CHRNA5: variants seen among roughly 807,000 people sequenced by gnomAD.
CHRNA5 encodes the protein cholinergic receptor nicotinic alpha 5 subunit.
Under a neutral mutation model 41.2 loss-of-function variants are expected in CHRNA5, and 28 were observed. The ratio of observed to expected loss-of-function variants is 0.68; its 90% CI spans 0.50 to 0.93. The LOEUF is 0.93. Among genes scored for constraint, CHRNA5 ranks in the 40% least tolerant of loss-of-function variants. The probability of loss-of-function intolerance (pLI) is 0.00; values close to 1 mark genes in which losing one functional copy is unlikely to be tolerated. For missense variants in CHRNA5, 481 were observed against 581.9 expected (o/e 0.83, Z 1.78); for synonymous variants, 188 against 205.8 (o/e 0.91, Z 0.74).
intron 1 of CHRNA5, among the ~76,000 whole-genome samples, chr15:78,571,449 A>G (rs904644497): frequency 6.6e-6 from 1 of 152,204 alleles, no homozygotes; most frequent in Non-Finnish European, 1.5e-5. Flanking sequence ...CTCATGCACC[A>G]TTAGGTGTTT....
At chr15:78,566,256 C>T (rs2052746251) in intron 1 of CHRNA5, among the ~76,000 whole-genome samples, 1 of 152,146 alleles carries the variant, frequency 6.6e-6, no homozygotes, top group Non-Finnish European at 1.5e-5. Flanking sequence ...CCGCCTCTTC[C>T]TCCATCCCTG....
rs781129738 is a variant in CHRNA5, at chr15:78,590,218, C to G, written c.827C>G (p.Ser276Ter). The G allele has an allele frequency of 4.6e-5, 75 of 1,613,926 alleles. No homozygotes were observed. Among genetic ancestry groups the G allele is most frequent in the Non-Finnish European group, 6.0e-5 (71 of 1,180,036 alleles). ...ACTGTACTTGTCTTCTATCTTCCTTCAAATGAAGGTGAAAAGATTTGTCTC... is the reference window on the plus strand; with the variant it reads ...ACTGTACTTGTCTTCTATCTTCCTTGAAATGAAGGTGAAAAGATTTGTCTC... The change falls in exon 5 of 6, where the codon TCA (serine) becomes TGA (stop). Residue 276 changes from serine (S) to a stop codon, truncating the protein, a stop_gained. Transcript: ENST00000299565. LOFTEE classifies it high-confidence loss of function.
intron 3 of CHRNA5, among the ~76,000 whole-genome samples, chr15:78,587,333 C>A (rs901577885): frequency 5.3e-5 from 8 of 151,808 alleles, no homozygotes; most frequent in Non-Finnish European, 1.0e-4. Flanking sequence ...CGGGGGTGTA[C>A]TTATAAAAAT....
intron 1 of CHRNA5, among the ~76,000 whole-genome samples, chr15:78,579,474 G>A (rs1285190533): frequency 2.6e-5 from 4 of 152,092 alleles, no homozygotes; most frequent in Admixed American, 6.5e-5. Flanking sequence ...GGTTCGTCTC[G>A]AACTCCTTAC....
At chr15:78,568,560 CA>C (rs1431324729) in intron 1 of CHRNA5, among the ~76,000 whole-genome samples, 1 of 151,956 alleles carries the variant, frequency 6.6e-6, no homozygotes, top group African/African-American at 2.4e-5. Context: ...TGGTTTGCTA[CA>C]CCTATCAACC....
chr15:78,567,425 A>G (rs906982205), intron 1 of CHRNA5, among the ~76,000 whole-genome samples: 1 of 152,206 alleles, frequency 6.6e-6, no homozygotes, highest in Non-Finnish European at 1.5e-5. Flanking sequence ...AATCTGTTTC[A>G]TGTCTTTTAA....
chr15:78,581,498 A>G (rs922755641), intron 2 of CHRNA5, among the ~76,000 whole-genome samples: 6 of 152,202 alleles, frequency 3.9e-5, no homozygotes, highest in Admixed American at 2.6e-4. Context: ...ATTCATGCTA[A>G]TTTTTAAACT....
intron 1 of CHRNA5, among the ~76,000 whole-genome samples, chr15:78,567,038 G>A (rs2052756330): frequency 6.6e-6 from 1 of 151,908 alleles, no homozygotes; most frequent in Non-Finnish European, 1.5e-5. Flanking sequence ...AGATCACGAG[G>A]TCAGGAGATC....
At position 78,588,220 on chromosome 15, in the gene CHRNA5, T is replaced by C. The variant is rs2052978842; in HGVS notation, c.304-94T>C. The C allele has an allele frequency of 4.9e-6, 3 of 607,918 alleles. No homozygotes were observed. Among genetic ancestry groups the C allele is most frequent in the Admixed American group, 5.8e-5 (2 of 34,692 alleles). 37.7% of individuals were successfully genotyped at this position (607,918 alleles called of 1,614,324 possible). A position where few individuals can be genotyped will look rare whatever the true frequency, so the allele number is the denominator to read the frequency against. On this transcript the variant is annotated intron_variant, in intron 3 of 5. Transcript: ENST00000299565. This position sits in a 1 kb window ranked among gnomAD's most constrained non-coding sequence, Gnocchi z 4.1. ...TCTATTGGGGGTAGAGATGATCTCA[T>C]GTCTAAAATTTCTGGTGTGACAAAA...
chr15:78,573,649 C>A (rs1354016741), intron 1 of CHRNA5, among the ~76,000 whole-genome samples: 1 of 152,136 alleles, frequency 6.6e-6, no homozygotes, highest in African/African-American at 2.4e-5. Flanking sequence ...TTTTTATCTG[C>A]AGGTTGGCAA....
intron 2 of CHRNA5, among the ~76,000 whole-genome samples, chr15:78,581,517 CT>C (rs1567057809): frequency 6.6e-6 from 1 of 152,128 alleles, no homozygotes; most frequent in Non-Finnish European, 1.5e-5. Flanking sequence ...CTAGTTTCTT[CT>C]TGTTCTGAAC....
intron 1 of CHRNA5, among the ~76,000 whole-genome samples, chr15:78,577,021 G>A (rs79532818): frequency 4.6e-5 from 7 of 152,062 alleles, no homozygotes; most frequent in Non-Finnish European, 1.0e-4. Flanking sequence ...TGTCTGTTTT[G>A]TTTACCAGTG....
exon 1 of CHRNA5, chr15:78,565,554 T>A (rs503464): frequency 0.28 from 61,089 of 215,114 alleles, 9,738 homozygotes; most frequent in East Asian, 0.5. Flanking sequence ...GCTGCTAGGC[T>A]GAGGCTGCTG....
chr15:78,575,095 T>G (rs1376460357), intron 1 of CHRNA5, among the ~76,000 whole-genome samples: 5 of 152,156 alleles, frequency 3.3e-5, no homozygotes, highest in Non-Finnish European at 4.4e-5. Context: ...CCTTTCCTTT[T>G]CACCATACTA....
chr15:78,578,377 G>A (rs375555321), intron 1 of CHRNA5, among the ~76,000 whole-genome samples: 2 of 152,136 alleles, frequency 1.3e-5, no homozygotes, highest in Admixed American at 6.5e-5. Flanking sequence ...GCGTGGTGGC[G>A]TGTGCCTGTG....
intron 1 of CHRNA5, 30 bp downstream of exon 1, chr15:78,565,855 G>C (rs1423027031): frequency 1.7e-6 from 2 of 1,191,250 alleles, no homozygotes; most frequent in Non-Finnish European, 2.1e-6. Context: ...GGGCGGGGCG[G>C]GAGCTGGCCC....
chr15:78,573,963 A>ATTTTTTTTTT (rs979485573), intron 1 of CHRNA5, among the ~76,000 whole-genome samples: 354 of 102,060 alleles, frequency 3.5e-3, no homozygotes, highest in African/African-American at 5.8e-3. Flanking sequence ...CGCCTGGCTA[A>ATTTTTTTTTT]TTTTTTTTTT....
In CHRNA5 at chr15:78,586,692, A is replaced by T; in HGVS notation, c.303+3A>T. On this transcript the variant is annotated splice_donor_region_variant and intron_variant, in intron 3 of 5. Coordinates refer to ENST00000299565, the Ensembl canonical transcript of CHRNA5. The stretch of plus-strand genomic sequence containing the variant: ...CAACAAACGTCTGGTTGAAACAGGT[A>T]TGTGTGTAAAATTCAAACGGGCACC... The T allele has an allele frequency of 1.9e-6, 3 of 1,602,282 alleles. No individual in the cohort carries two copies. Among genetic ancestry groups the T allele is most frequent in the South Asian group, 1.1e-5 (1 of 87,976 alleles).
chr15:78,566,307 C>G (rs1444100669), intron 1 of CHRNA5, among the ~76,000 whole-genome samples: 2 of 152,128 alleles, frequency 1.3e-5, no homozygotes, highest in African/African-American at 4.8e-5. Context: ...TTCCTTTCGC[C>G]GGAGATGAAA....
Sources: allele counts gnomAD v4.1 joint callset (sites outside exome capture counted in the v4.1 genomes callset), GRCh38; gene constraint gnomAD v4.1.1; non-coding constraint Gnocchi (gnomAD v3.1); transcripts MANE v1.5; gene names NCBI Gene and HGNC (gene_info 2026-07-23, HGNC 2026-07-21).